BTBD10: variants seen among roughly 807,000 people sequenced by gnomAD.
BTBD10 encodes the protein BTB/POZ domain-containing protein 10.
A neutral mutation model predicts 53.2 loss-of-function variants in BTBD10; 21 were observed. That is an observed-to-expected ratio of 0.39 (90% CI 0.28 to 0.57). BTBD10 has a LOEUF of 0.57. BTBD10 is among the 20% of genes least tolerant of loss of function. BTBD10 has a pLI of 0.53. For synonymous variants in BTBD10, 149 were observed against 192.7 expected, an observed-to-expected ratio of 0.77 and a Z score of 1.88; for missense variants, 360 against 594.7, an observed-to-expected ratio of 0.61 and a Z score of 4.10.
chr11:13,447,645 A>C (rs1950774831), intron 1 of BTBD10, among the ~76,000 whole-genome samples: 1 of 152,146 alleles, frequency 6.6e-6, no homozygotes, highest in Non-Finnish European at 1.5e-5. Flanking sequence ...TTCCTAATCA[A>C]TCCTATTTAA....
chr11:13,433,622 C>A (rs984731739), intron 2 of BTBD10, among the ~76,000 whole-genome samples: 2 of 152,058 alleles, frequency 1.3e-5, no homozygotes, highest in African/African-American at 4.8e-5. Flanking sequence ...GGCTCATGGG[C>A]CAAATTCTAC....
intron 6 of BTBD10, among the ~76,000 whole-genome samples, chr11:13,406,331 T>C (rs12361729): frequency 0.16 from 23,989 of 152,104 alleles, 2,079 homozygotes; most frequent in Admixed American, 0.24. Flanking sequence ...ATACTAGAAG[T>C]GAGAGAGCTG....
intron 2 of BTBD10, among the ~76,000 whole-genome samples, chr11:13,433,300 G>A (rs1477619844): frequency 1.3e-5 from 2 of 152,098 alleles, no homozygotes; most frequent in Non-Finnish European, 2.9e-5. Flanking sequence ...TTGCTTATAG[G>A]CCATAGGCCC....
intron 2 of BTBD10, among the ~76,000 whole-genome samples, chr11:13,423,157 CTGA>C (rs2133975424): frequency 6.6e-6 from 1 of 152,136 alleles, no homozygotes; most frequent in East Asian, 1.9e-4. Context: ...AATAAGAAAA[CTGA>C]TGATAATAAA....
rs1363267739 is a variant in BTBD10, at chr11:13,463,186, C to A, written c.-152G>T. 6.8e-6 allele frequency: 1 copy of A among 146,622 alleles called. No individual in the cohort carries two copies. The highest frequency in any genetic ancestry group is 1.5e-5 in the Non-Finnish European group (1 of 66,714). The allele number at this position is 146,622 out of a possible 1,614,324, so 9.1% of individuals were successfully genotyped here. A position where few individuals can be genotyped will look rare whatever the true frequency, so the allele number is the denominator to read the frequency against. On this transcript the variant is annotated 5_prime_UTR_variant, in exon 1 of 9. Coordinates refer to ENST00000278174, the MANE Select transcript of BTBD10 (RefSeq NM_032320.7). ...CACTTCCTCCTCAGCCAGATCCCTCCGGAGGTGGCTGTGGAGGAAGCCACT... is the reference window on the plus strand; with the variant it reads ...CACTTCCTCCTCAGCCAGATCCCTCAGGAGGTGGCTGTGGAGGAAGCCACT...
chr11:13,412,442 G>C (rs1032004489), intron 6 of BTBD10, among the ~76,000 whole-genome samples: 1 of 152,034 alleles, frequency 6.6e-6, no homozygotes, highest in South Asian at 2.1e-4. Flanking sequence ...GACACAGCGA[G>C]ACTCCATCTC....
At chr11:13,414,099 T>A (rs181764718) in intron 5 of BTBD10, among the ~76,000 whole-genome samples, 63 of 152,346 alleles carry the variant, frequency 4.1e-4, no homozygotes, top group African/African-American at 1.4e-3. Flanking sequence ...GTGAGGTTTT[T>A]AGTACAGAAT....
Position 13,421,838 on chromosome 11 carries a change from A to AT in BTBD10, c.102-1_102insA (p.Ser34ArgfsTer8). On this transcript the variant is annotated frameshift_variant and splice_region_variant. Coordinates refer to ENST00000278174, the MANE Select transcript of BTBD10 (RefSeq NM_032320.7). LOFTEE classifies it high-confidence loss of function. ...CTCCTTTAGCAATACGCGAGGAAGT[A>AT]CTGATAAGTTAGAAAGGAAAATTAA... The AT allele has an allele frequency of 6.3e-7, 1 of 1,598,040 alleles. No individual in the cohort carries two copies. Among genetic ancestry groups the AT allele is most frequent in the Non-Finnish European group, 8.5e-7 (1 of 1,170,820 alleles).
chr11:13,444,851 T>A (rs761560040), intron 2 of BTBD10, among the ~76,000 whole-genome samples, 173 bp downstream of exon 2: 13 of 151,990 alleles, frequency 8.6e-5, no homozygotes, highest in Non-Finnish European at 1.5e-4. Flanking sequence ...TATTAAAAAA[T>A]TAAAAAGAAA....
chr11:13,429,790 CT>C (rs750388702), intron 2 of BTBD10, among the ~76,000 whole-genome samples: 4 of 152,064 alleles, frequency 2.6e-5, no homozygotes, highest in Non-Finnish European at 4.4e-5. Flanking sequence ...AACTTTTGAT[CT>C]TCAAAAAACA....
At chr11:13,415,401 C>A (rs1055778052) in intron 5 of BTBD10, among the ~76,000 whole-genome samples, 1 of 152,136 alleles carries the variant, frequency 6.6e-6, no homozygotes, top group Non-Finnish European at 1.5e-5. Context: ...GCCCCAGGCG[C>A]AGTGTTTCTT....
At chr11:13,440,381 T>C (rs553480349) in intron 2 of BTBD10, 4 of 895,178 alleles carry the variant, frequency 4.5e-6, no homozygotes, top group Non-Finnish European at 5.4e-6. Flanking sequence ...TAGAGATATG[T>C]AGATATGTTG....
At chr11:13,390,324 G>A (rs1007801519) in intron 8 of BTBD10, among the ~76,000 whole-genome samples, 4 of 151,908 alleles carry the variant, frequency 2.6e-5, no homozygotes, top group African/African-American at 4.8e-5. Context: ...CAGAGAATAC[G>A]TAAATGAATG....
intron 1 of BTBD10, among the ~76,000 whole-genome samples, chr11:13,460,231 G>A (rs1173218379): frequency 1.3e-5 from 2 of 152,192 alleles, no homozygotes; most frequent in African/African-American, 4.8e-5. Context: ...CACAAGTTAT[G>A]ATAAATTTAG....
chr11:13,413,435 TTAAGTC>T (rs1950011729), intron 6 of BTBD10, 89 bp downstream of exon 6: 3 of 1,088,148 alleles, frequency 2.8e-6, no homozygotes, highest in Non-Finnish European at 3.7e-6. Flanking sequence ...ATTAAATACT[TTAAGTC>T]TAACTAGGTA....
chr11:13,412,903 G>C (rs1290168364), intron 6 of BTBD10, among the ~76,000 whole-genome samples: 2 of 152,098 alleles, frequency 1.3e-5, no homozygotes, highest in East Asian at 3.9e-4. Flanking sequence ...AGAAACAATG[G>C]GAGTAGGGGT....
intron 8 of BTBD10, among the ~76,000 whole-genome samples, chr11:13,401,682 T>TCC (rs1190696350): frequency 6.6e-6 from 1 of 152,152 alleles, no homozygotes; most frequent in Non-Finnish European, 1.5e-5. Flanking sequence ...ACAACTATCC[T>TCC]CTAAGATATA....
At chr11:13,437,872 AAAT>A (rs1342508803) in intron 2 of BTBD10, among the ~76,000 whole-genome samples, 2 of 152,188 alleles carry the variant, frequency 1.3e-5, no homozygotes, top group African/African-American at 4.8e-5. Flanking sequence ...CAAAGATCAC[AAAT>A]AATAACAATA....
intron 2 of BTBD10, among the ~76,000 whole-genome samples, chr11:13,432,849 AAGG>A (rs1442076745): frequency 1.3e-5 from 2 of 152,064 alleles, no homozygotes; most frequent in African/African-American, 4.8e-5. Flanking sequence ...AGAACTAATG[AAGG>A]AGGTCAACAT....
Sources: allele counts gnomAD v4.1 joint callset (sites outside exome capture counted in the v4.1 genomes callset), GRCh38; gene constraint gnomAD v4.1.1; transcripts MANE v1.5; gene names NCBI Gene and HGNC (gene_info 2026-07-23, HGNC 2026-07-21).